FMO5: variants seen among roughly 807,000 people sequenced by gnomAD.
FMO5 encodes the protein flavin-containing monooxygenase 5.
Under a neutral mutation model 43.6 loss-of-function variants are expected in FMO5, and 51 were observed. The observed-to-expected ratio is 1.17, with a 90% CI of 0.93 to 1.48. The LOEUF (loss-of-function observed/expected upper bound fraction) is 1.48, where lower values mean the gene tolerates loss of function less well. Ranked by LOEUF, FMO5 falls within the 40% of genes most tolerant of loss-of-function variation. The probability of loss-of-function intolerance (pLI) is 0.00; values close to 1 mark genes in which losing one functional copy is unlikely to be tolerated. For missense variants in FMO5, 644 were observed against 643.0 expected (o/e 1.00, Z -0.02); for synonymous variants, 187 against 216.5 (o/e 0.86, Z 1.20).
At chr1:147,188,002 G>A (rs781885925) in intron 8 of FMO5, among the ~76,000 whole-genome samples, 4 of 151,952 alleles carry the variant, frequency 2.6e-5, no homozygotes, top group Non-Finnish European at 5.9e-5. Context: ...CCAAGAACAG[G>A]GACAGGAAAA....
chr1:147,193,783 G>T (rs1657387994), intron 7 of FMO5, among the ~76,000 whole-genome samples: 1 of 152,120 alleles, frequency 6.6e-6, no homozygotes, highest in South Asian at 2.1e-4. Flanking sequence ...TCATTCAGGA[G>T]CAGGTTGTTC....
chr1:147,224,388 A>G (rs781892308), intron 2 of FMO5: 1 of 157,608 alleles, frequency 6.3e-6, no homozygotes, highest in Non-Finnish European at 1.4e-5. Context: ...AATAAAAAGA[A>G]TAAAAATTCT....
intron 7 of FMO5, among the ~76,000 whole-genome samples, chr1:147,192,770 CAT>C (rs1393592103): frequency 6.6e-6 from 1 of 152,104 alleles, no homozygotes; most frequent in African/African-American, 2.4e-5. Flanking sequence ...TTGAGATAAT[CAT>C]GTGGTTTTTG....
chr1:147,187,328 A>G, intron 8 of FMO5, 83 bp from the exon 9 acceptor site: 1 of 938,638 alleles, frequency 1.1e-6, no homozygotes. Flanking sequence ...AGTGCCTGCT[A>G]TTGGCTCAAT....
chr1:147,205,046 T>C (rs1553921972), intron 6 of FMO5: 5 of 676,448 alleles, frequency 7.4e-6, no homozygotes, highest in African/African-American at 3.6e-5. Flanking sequence ...ATCTTTGCTA[T>C]ATAGTCCAGC....
chr1:147,195,138 G>C (rs1205547800), intron 7 of FMO5, among the ~76,000 whole-genome samples: 22 of 152,086 alleles, frequency 1.4e-4, no homozygotes, highest in Non-Finnish European at 3.1e-4. Flanking sequence ...GTCACTTTCA[G>C]GTTCACCAAT....
chr1:147,201,116 C>G (rs1276784146), intron 7 of FMO5, 36 bp downstream of exon 7: 1 of 1,447,922 alleles, frequency 6.9e-7, no homozygotes, highest in Non-Finnish European at 9.5e-7. Flanking sequence ...AACATATCAC[C>G]AAGTAATTAA....
At chr1:147,215,533 C>G (rs1372820) in intron 3 of FMO5, 165,344 of 483,374 alleles carry the variant, frequency 0.34, 29,506 homozygotes, top group African/African-American at 0.5. Flanking sequence ...ACTCTGCCAG[C>G]TGGCTTCCTG....
rs1397913871 is a variant in FMO5 at position 147,186,401 on chromosome 1, T to C, written c.*499A>G. On this transcript the variant is annotated 3_prime_UTR_variant, in exon 9 of 9. Coordinates refer to ENST00000254090, the MANE Select transcript of FMO5 (RefSeq NM_001461.4). ...ATCTATATGTCTTATCTTAGATACA[T>C]ACAACTATTGTAGGAACATTATTTC... 40 of 900,366 alleles carry C rather than the reference T, an allele frequency of 4.4e-5. No individual in the cohort carries two copies. The highest frequency in any genetic ancestry group is 1.2e-4 in the East Asian group (1 of 8,430). 55.8% of individuals were successfully genotyped at this position (900,366 alleles called of 1,614,324 possible).
chr1:147,190,904 A>C (rs587637284), intron 7 of FMO5, among the ~76,000 whole-genome samples: 1 of 151,978 alleles, frequency 6.6e-6, no homozygotes, highest in African/African-American at 2.4e-5. Flanking sequence ...TGATTGTTCA[A>C]TTCCCACCTA....
chr1:147,225,245 G>T, intron 1 of FMO5, 42 bp downstream of exon 1: 2 of 1,314,128 alleles, frequency 1.5e-6, no homozygotes, highest in Non-Finnish European at 2.0e-6. Flanking sequence ...GCGCCTGCAA[G>T]ACCCAGAGCT....
chr1:147,226,292 C>T (rs2102140084), upstream of FMO5, among the ~76,000 whole-genome samples: 1 of 152,108 alleles, frequency 6.6e-6, no homozygotes, highest in East Asian at 1.9e-4. Context: ...TAAGAATCTA[C>T]ACTTCTGGAA....
At chr1:147,200,282 C>T (rs55710129) in intron 7 of FMO5, among the ~76,000 whole-genome samples, 5,612 of 152,260 alleles carry the variant, frequency 0.037, 146 homozygotes, top group South Asian at 0.095. Flanking sequence ...TTCCATGTGC[C>T]TTCCCTTCAG....
At chr1:147,209,359 A>G (rs28381193) in intron 5 of FMO5, among the ~76,000 whole-genome samples, 5,572 of 146,458 alleles carry the variant, frequency 0.038, 146 homozygotes, top group South Asian at 0.096. Flanking sequence ...AATGGCGTCA[A>G]CCTGGGAGGC....
At chr1:147,224,838 T>G in intron 2 of FMO5, 57 bp downstream of exon 2, 1 of 1,543,156 alleles carries the variant, frequency 6.5e-7, no homozygotes, top group Non-Finnish European at 9.0e-7. Context: ...TAAACTGTCG[T>G]ATGCACCTAG....
intron 2 of FMO5, among the ~76,000 whole-genome samples, chr1:147,217,490 T>C (rs1662220064): frequency 6.6e-6 from 1 of 152,238 alleles, no homozygotes; most frequent in African/African-American, 2.4e-5. Context: ...TTGAGTATTA[T>C]GAAACATTAA....
intron 2 of FMO5, among the ~76,000 whole-genome samples, chr1:147,220,442 C>T (rs1662806931): frequency 6.6e-6 from 1 of 152,130 alleles, no homozygotes; most frequent in South Asian, 2.1e-4. Flanking sequence ...CAAGCTAACA[C>T]ATGGATTCTA....
intron 6 of FMO5, 168 bp downstream of exon 6, chr1:147,208,684 C>T (rs935965278): frequency 3.9e-5 from 21 of 539,924 alleles, no homozygotes; most frequent in Non-Finnish European, 5.0e-5. Flanking sequence ...GGTGATCCAC[C>T]CGCCTCCGCC....
At chr1:147,193,357 C>T (rs587758528) in intron 7 of FMO5, among the ~76,000 whole-genome samples, 171 of 152,038 alleles carry the variant, frequency 1.1e-3, no homozygotes, top group East Asian at 1.5e-3. Context: ...GTGGTGATAT[C>T]CCCTTTATCA....
Sources: allele counts gnomAD v4.1 joint callset (sites outside exome capture counted in the v4.1 genomes callset), GRCh38; gene constraint gnomAD v4.1.1; transcripts MANE v1.5; gene names NCBI Gene and HGNC (gene_info 2026-07-23, HGNC 2026-07-21).